CAP1: variants seen among roughly 807,000 people sequenced by gnomAD.
CAP1 encodes adenylyl cyclase-associated protein 1.
In CAP1, 11 loss-of-function variants were observed where a neutral mutation model predicts 58.2. That is an observed-to-expected ratio of 0.19 (90% CI 0.12 to 0.31). The LOEUF (loss-of-function observed/expected upper bound fraction) is 0.31. Among genes scored for constraint, CAP1 ranks in the 10% least tolerant of loss-of-function variants. The pLI, the probability that CAP1 is intolerant of heterozygous loss-of-function variation, is 1.00. For synonymous variants in CAP1, 183 were observed against 213.8 expected (o/e 0.86, Z 1.26); for missense variants, 423 against 587.5 (o/e 0.72, Z 2.89).
At position 40,072,033 on chromosome 1, in the gene CAP1, T is replaced by G. The variant is rs1648135327; in HGVS notation, c.*500T>G. 5.0e-6 allele frequency: 2 copies of G among 403,862 alleles called. No homozygotes were observed. The highest frequency in any genetic ancestry group is 4.2e-5 in the Admixed American group (1 of 23,930). 25.0% of individuals were successfully genotyped at this position (403,862 alleles called of 1,614,324 possible). ...GCAAGGGTTGCACTGGACCAAAGGCTGAGGCTTGGCCATCTAGCATTCCAT... is the reference window on the plus strand; with the variant it reads ...GCAAGGGTTGCACTGGACCAAAGGCGGAGGCTTGGCCATCTAGCATTCCAT... On this transcript the variant is annotated 3_prime_UTR_variant, in exon 13 of 13. Transcript: ENST00000372805.
chr1:40,066,995 G>C (rs1647115706), intron 7 of CAP1, among the ~76,000 whole-genome samples: 1 of 152,156 alleles, frequency 6.6e-6, no homozygotes, highest in Admixed American at 6.5e-5. Flanking sequence ...TATAGGTTAG[G>C]GATAAGGACT....
chr1:40,067,239 T>A, intron 7 of CAP1: 1 of 316,768 alleles, frequency 3.2e-6, no homozygotes, highest in Middle Eastern at 8.2e-4. Context: ...ATCTGTTGAA[T>A]CAGAGGTACT....
At chr1:40,042,173 G>A (rs539955962) in intron 1 of CAP1, among the ~76,000 whole-genome samples, 3 of 152,270 alleles carry the variant, frequency 2.0e-5, no homozygotes, top group Admixed American at 6.5e-5. Context: ...CACCGTGCCC[G>A]GCCCCACCAG....
chr1:40,049,064 C>A (rs1646236963), intron 1 of CAP1, among the ~76,000 whole-genome samples: 1 of 151,888 alleles, frequency 6.6e-6, no homozygotes, highest in Admixed American at 6.6e-5. Context: ...GCACGCATAA[C>A]CTGGTTCCAT....
chr1:40,070,941 G>A lies in CAP1; in HGVS notation c.1306G>A (p.Glu436Lys), dbSNP rs374359120. 10 of 1,613,862 alleles carry A rather than the reference G, an allele frequency of 6.2e-6. No individual in the cohort carries two copies. The highest frequency in any genetic ancestry group is 4.0e-5 in the African/African-American group (3 of 74,912). The change falls in exon 12 of 13, where the codon GAG becomes AAG. Residue 436 changes from glutamate to lysine, a missense_variant. By Grantham distance (56) the Glu-to-Lys change is moderately conservative. Transcript: ENST00000372805. ...TGAAATAGTCAGTGCCAAATCTTCC[G>A]AGATGAATGTCCTCATTCCTACAGA... ...DCEIVSAKSS[E>K]MNVLIPTEGG...
intron 1 of CAP1, among the ~76,000 whole-genome samples, chr1:40,049,319 G>T (rs1646253132): frequency 1.3e-5 from 2 of 151,418 alleles, no homozygotes; most frequent in South Asian, 4.2e-4. Flanking sequence ...CTGGCAGAAG[G>T]TGGTGTTTTT....
chr1:40,064,183 G>T lies in CAP1; in HGVS notation c.295-44G>T, dbSNP rs201172019. 34 of 1,601,832 alleles carry T rather than the reference G, an allele frequency of 2.1e-5. 1 individual carries two copies. Among genetic ancestry groups the T allele is most frequent in the Non-Finnish European group, 2.9e-5 (34 of 1,170,388 alleles). Reference sequence around the variant, plus strand: ...AGGATCAGAAGGCATAGACACCTTTGTGGAAAGATGTTAACCTGAATCTTT... The same window carrying T: ...AGGATCAGAAGGCATAGACACCTTTTTGGAAAGATGTTAACCTGAATCTTT... On this transcript the variant is annotated intron_variant, in intron 4 of 12. Coordinates refer to ENST00000372805, the MANE Select transcript of CAP1 (RefSeq NM_006367.4).
Position 40,049,178 on chromosome 1 carries a change from A to ATTTTTTTTTTTTTTTTTTT in CAP1, c.-11+8385_-11+8403dup, listed in dbSNP as rs72214452. ...TGGCAGGAATCACTAGCCATTTCTA[A>ATTTTTTTTTTTTTTTTTTT]TTTTTTTTTTTTTTTTTTTTTTTTT... On this transcript the variant is annotated intron_variant, in intron 1 of 12. Coordinates refer to ENST00000372805, the MANE Select transcript of CAP1 (RefSeq NM_006367.4). 6.5e-4 allele frequency among the ~76,000 whole-genome samples: 55 copies of ATTTTTTTTTTTTTTTTTTT among 84,886 alleles called. 5 individuals are homozygous for ATTTTTTTTTTTTTTTTTTT. Among genetic ancestry groups the ATTTTTTTTTTTTTTTTTTT allele is most frequent in the East Asian group, 1.8e-3 (4 of 2,194 alleles). The allele number at this position is 84,886 out of a possible 152,430, so 55.7% of individuals were successfully genotyped here.
At chr1:40,071,368 A>G in intron 12 of CAP1, 82 bp from the exon 13 acceptor site, 2 of 967,152 alleles carry the variant, frequency 2.1e-6, no homozygotes, top group Non-Finnish European at 3.3e-6. Context: ...AGTGGAAGCA[A>G]GCATTGGGAG....
intron 1 of CAP1, among the ~76,000 whole-genome samples, chr1:40,043,220 C>T (rs1029485200): frequency 5.9e-5 from 9 of 152,036 alleles, no homozygotes; most frequent in African/African-American, 7.2e-5. Context: ...TGTTTTGAGA[C>T]GGAGTCTTGC....
At chr1:40,069,510 A>G (rs1421335887) in intron 8 of CAP1, 180 bp from the exon 9 acceptor site, 2 of 628,094 alleles carry the variant, frequency 3.2e-6, no homozygotes, top group Non-Finnish European at 2.9e-6. Flanking sequence ...ATGGAACCAT[A>G]TAATTTAATC....
intron 1 of CAP1, among the ~76,000 whole-genome samples, chr1:40,054,193 C>CTTTTTTTTTTTTTT (rs398052925): frequency 9.5e-5 from 13 of 136,390 alleles, no homozygotes; most frequent in Admixed American, 3.0e-4. Flanking sequence ...GCCCACTGTT[C>CTTTTTTTTTTTTTT]TTTTTTTTTT....
chr1:40,068,358 C>T (rs1341049782), intron 8 of CAP1, among the ~76,000 whole-genome samples: 1 of 152,190 alleles, frequency 6.6e-6, no homozygotes, highest in African/African-American at 2.4e-5. Context: ...GCAACCTCCA[C>T]CTCCCAGGTT....
intron 6 of CAP1, among the ~76,000 whole-genome samples, chr1:40,065,874 A>G (rs991041109): frequency 6.6e-6 from 1 of 152,182 alleles, no homozygotes; most frequent in Admixed American, 6.5e-5. Flanking sequence ...AGTTTTACAT[A>G]TTAGATTGTG....
rs761954983 is a variant in CAP1, at chr1:40,071,584, T to C, written c.*51T>C. 6 of 1,178,782 alleles carry C rather than the reference T, an allele frequency of 5.1e-6. No individual in the cohort carries two copies. The highest frequency in any genetic ancestry group is 3.0e-5 in the African/African-American group (2 of 66,344). The allele number at this position is 1,178,782 out of a possible 1,614,324, so 73.0% of individuals were successfully genotyped here. The stretch of plus-strand genomic sequence containing the variant: ...CTCCCTTCACACCATGGGATAAATC[T>C]GTATCAAGACGGTTCTTTTCTAGAT... On this transcript the variant is annotated 3_prime_UTR_variant, in exon 13 of 13. Coordinates refer to ENST00000372805, the MANE Select transcript of CAP1 (RefSeq NM_006367.4).
At position 40,066,331 on chromosome 1, in the gene CAP1, C is replaced by G. The variant is rs775094741; in HGVS notation, c.630+11C>G. 27 of 1,423,066 alleles carry G rather than the reference C, an allele frequency of 1.9e-5. No individual in the cohort carries two copies. The highest frequency in any genetic ancestry group is 2.6e-5 in the Non-Finnish European group (26 of 1,006,618). The allele number at this position is 1,423,066 out of a possible 1,614,324, so 88.2% of individuals were successfully genotyped here. Reference sequence around the variant, plus strand: ...GCCTGGAGCAAAACGGTTAGTGAATCCTTCCTCCCTCCCTCCCTCCCTCCC... The same window carrying G: ...GCCTGGAGCAAAACGGTTAGTGAATGCTTCCTCCCTCCCTCCCTCCCTCCC... On this transcript the variant is annotated intron_variant, in intron 7 of 12. Transcript: ENST00000372805.
At chr1:40,048,715 T>A (rs1029180741) in intron 1 of CAP1, among the ~76,000 whole-genome samples, 2 of 152,172 alleles carry the variant, frequency 1.3e-5, no homozygotes, top group African/African-American at 2.4e-5. Flanking sequence ...TCCCCTATAA[T>A]TAGAAGTCCA....
At chr1:40,056,513 C>T (rs893685382) in intron 1 of CAP1, among the ~76,000 whole-genome samples, 4 of 151,928 alleles carry the variant, frequency 2.6e-5, no homozygotes, top group African/African-American at 4.8e-5. Context: ...CCAGGCTGGT[C>T]GTGGACTCCT....
At chr1:40,058,131 C>T (rs976045594) in intron 1 of CAP1, among the ~76,000 whole-genome samples, 26 of 152,170 alleles carry the variant, frequency 1.7e-4, no homozygotes, top group African/African-American at 5.8e-4. Flanking sequence ...GGATATTAGA[C>T]ATTGAATTAG....
Sources: gnomAD v4.1 joint callset for allele counts (sites outside exome capture counted in the v4.1 genomes callset) on GRCh38, gnomAD v4.1.1 for gene constraint, MANE v1.5 for transcripts, NCBI Gene and HGNC (gene_info 2026-07-23, HGNC 2026-07-21) for gene names.